Variants in KLF7 observed in about 807,000 individuals in gnomAD.
The protein encoded by KLF7 is KLF transcription factor 7, also known as Krueppel-like factor 7.
In KLF7, 2 loss-of-function variants were observed where a neutral mutation model predicts 27.3. The observed-to-expected ratio is 0.07, with a 90% CI of 0.03 to 0.23. KLF7 has a LOEUF of 0.23. Ranked by LOEUF, KLF7 falls within the 10% of genes least tolerant of loss-of-function variation. KLF7 has a pLI of 1.00. For synonymous variants in KLF7, 165 were observed against 162.4 expected, an observed-to-expected ratio of 1.02 and a Z score of -0.12; for missense variants, 221 against 394.1, an observed-to-expected ratio of 0.56 and a Z score of 3.72.
intron 1 of KLF7, among the ~76,000 whole-genome samples, chr2:207,157,219 T>TGA (rs1491268311): frequency 4.6e-5 from 4 of 87,286 alleles, no homozygotes; most frequent in South Asian, 8.2e-4. Flanking sequence ...AACAGAAAAG[T>TGA]AAAAAAAAAA....
rs558682137 is a variant in KLF7, at chr2:207,099,172, T to A, written c.734-10591A>T. ...CTAGTGAGTATAGCCAAGGAATTCA[T>A]TTTTCTTGCAAGGAGGGTGGTACTA... On this transcript the variant is annotated intron_variant, in intron 2 of 3. Transcript: ENST00000309446. Among the ~76,000 whole-genome samples, 8 of 152,220 alleles carry A rather than the reference T, an allele frequency of 5.3e-5. No individual in the cohort carries two copies. In the East Asian group the frequency reaches 1.2e-3, roughly 22 times the overall value.
chr2:207,109,224 G>C (rs2076963178), intron 2 of KLF7, among the ~76,000 whole-genome samples: 2 of 152,180 alleles, frequency 1.3e-5, no homozygotes, highest in South Asian at 4.1e-4. Flanking sequence ...GGATTCTTAA[G>C]TTCAACCAAA....
intron 2 of KLF7, among the ~76,000 whole-genome samples, chr2:207,117,822 T>C (rs1459238887): frequency 6.6e-6 from 1 of 152,202 alleles, no homozygotes; most frequent in African/African-American, 2.4e-5. Context: ...GAGAAGCGAC[T>C]TGTTATCTCC....
At chr2:207,144,813 G>A (rs1176832977) in intron 1 of KLF7, among the ~76,000 whole-genome samples, 3 of 152,146 alleles carry the variant, frequency 2.0e-5, no homozygotes, top group African/African-American at 4.8e-5. Context: ...TTATGAAGTC[G>A]TGGTTGGCTT....
chr2:207,132,002 A>T (rs1202025842), intron 1 of KLF7, among the ~76,000 whole-genome samples: 2 of 152,234 alleles, frequency 1.3e-5, no homozygotes, highest in African/African-American at 4.8e-5. Context: ...CAGTGCAAGC[A>T]TCCACCTTGG....
intron 1 of KLF7, among the ~76,000 whole-genome samples, chr2:207,132,861 C>T (rs1040924310): frequency 2.0e-5 from 3 of 152,228 alleles, no homozygotes; most frequent in Non-Finnish European, 4.4e-5. Flanking sequence ...CTGTGATCCT[C>T]AAAATTCAAT....
At position 207,076,672 on chromosome 2, in the gene KLF7, C is replaced by G. The variant is rs2076181483; in HGVS notation, c.*4541G>C. ...TTCCATCTCAAGTATTCCCAAAGAT[C>G]CTCACTGAGGAAAGTAGGCCATCAA... is the stretch of plus-strand genomic sequence containing the variant. On this transcript the variant is annotated 3_prime_UTR_variant, in exon 4 of 4. Transcript: ENST00000309446. 1 of 152,142 alleles carries G rather than the reference C, an allele frequency of 6.6e-6. No homozygotes were observed. 9.4% of individuals were successfully genotyped at this position (152,142 alleles called of 1,614,324 possible). A position where few individuals can be genotyped will look rare whatever the true frequency, so the allele number is the denominator to read the frequency against.
rs1291297764 is a variant in KLF7, at chr2:207,078,541, A to G, written c.*2672T>C. On this transcript the variant is annotated 3_prime_UTR_variant, in exon 4 of 4. Transcript: ENST00000309446. Reference sequence around the variant, plus strand: ...AATTAAGTATTATAAACCCTTAATAATAGCATTCGAGAGGCAAGAGCAGCT... The same window carrying G: ...AATTAAGTATTATAAACCCTTAATAGTAGCATTCGAGAGGCAAGAGCAGCT... The G allele has an allele frequency of 6.6e-6, 1 of 152,248 alleles. No homozygotes were observed. Among genetic ancestry groups the G allele is most frequent in the Non-Finnish European group, 1.5e-5 (1 of 68,048 alleles). 9.4% of individuals were successfully genotyped at this position (152,248 alleles called of 1,614,324 possible). A position where few individuals can be genotyped will look rare whatever the true frequency, so the allele number is the denominator to read the frequency against.
chr2:207,142,958 A>G (rs2077984925), intron 1 of KLF7, among the ~76,000 whole-genome samples: 1 of 152,220 alleles, frequency 6.6e-6, no homozygotes, highest in Non-Finnish European at 1.5e-5. Context: ...ACTCAGGGAA[A>G]GATTAAAGAG....
Position 207,077,662 on chromosome 2 carries a change from G to A in KLF7, c.*3551C>T, listed in dbSNP as rs1383716841. 6.6e-6 allele frequency: 1 copy of A among 152,168 alleles called. No homozygotes were observed. The highest frequency in any genetic ancestry group is 1.5e-5 in the Non-Finnish European group (1 of 68,038). 9.4% of individuals were successfully genotyped at this position (152,168 alleles called of 1,614,324 possible). On this transcript the variant is annotated 3_prime_UTR_variant, in exon 4 of 4. Coordinates refer to ENST00000309446, the MANE Select transcript of KLF7 (RefSeq NM_003709.4). ...TGGACATAATACTCATTACCACCAG[G>A]CATTGAGCTGAGCCATTAACCATGG...
chr2:207,150,542 T>C (rs2078214123), intron 1 of KLF7, among the ~76,000 whole-genome samples: 1 of 152,232 alleles, frequency 6.6e-6, no homozygotes, highest in Non-Finnish European at 1.5e-5. Flanking sequence ...GTACAGCATG[T>C]AACAGTTTAC....
intron 2 of KLF7, among the ~76,000 whole-genome samples, chr2:207,098,339 T>C (rs1271882190): frequency 6.6e-6 from 1 of 152,214 alleles, no homozygotes; most frequent in East Asian, 1.9e-4. Flanking sequence ...AAAAATGTTA[T>C]TAAAACATTA....
chr2:207,107,717 C>T (rs926244946), intron 2 of KLF7, among the ~76,000 whole-genome samples: 10 of 152,170 alleles, frequency 6.6e-5, no homozygotes, highest in Non-Finnish European at 1.3e-4. Context: ...AAATGCCAGC[C>T]GGCTCTTCTT....
upstream of KLF7, among the ~76,000 whole-genome samples, chr2:207,171,746 ATGC>A (rs1265601905): frequency 6.6e-6 from 1 of 152,216 alleles, no homozygotes; most frequent in Non-Finnish European, 1.5e-5. Context: ...CTTAGACACA[ATGC>A]TATTGCACAC....
At chr2:207,167,191 C>A, upstream of KLF7, 1 of 1,389,674 alleles carries the variant, frequency 7.2e-7, no homozygotes, top group Non-Finnish European at 9.4e-7. Context: ...AGAGGAGGAA[C>A]TCGATTTCTC....
chr2:207,124,062 C>A lies in KLF7; in HGVS notation c.445G>T (p.Val149Phe), dbSNP rs772681371. 1 of 1,614,150 alleles carries A rather than the reference C, an allele frequency of 6.2e-7. No homozygotes were observed. The highest frequency in any genetic ancestry group is 8.5e-7 in the Non-Finnish European group (1 of 1,180,040). The change falls in exon 2 of 4, where the codon GTC becomes TTC. Residue 149 changes from valine to phenylalanine, a missense_variant. Coordinates refer to ENST00000309446, the MANE Select transcript of KLF7 (RefSeq NM_003709.4). ...GCAGAGAGAGTTTGTGAGGTTTTGA[C>A]CAGATGGCGGCTGAGCTCAGGGGAC... Reference protein sequence around the residue: ...PSSPELSRHLVKTSQTLSAVD... With the variant: ...PSSPELSRHLFKTSQTLSAVD...
chr2:207,149,701 T>C (rs1054362927), intron 1 of KLF7, among the ~76,000 whole-genome samples: 1 of 152,226 alleles, frequency 6.6e-6, no homozygotes, highest in East Asian at 1.9e-4. Flanking sequence ...AATCTCAACA[T>C]ATTCATTTGA....
At chr2:207,081,319 T>C (rs1159776751) in intron 3 of KLF7, 55 bp from the exon 4 acceptor site, 3 of 1,361,256 alleles carry the variant, frequency 2.2e-6, no homozygotes, top group African/African-American at 2.9e-5. Context: ...CAGCTTGACT[T>C]GCATCACTCC....
chr2:207,092,279 C>A (rs1023682647), intron 2 of KLF7, among the ~76,000 whole-genome samples: 1 of 152,228 alleles, frequency 6.6e-6, no homozygotes, highest in African/African-American at 2.4e-5. Flanking sequence ...AAACCCAGGA[C>A]TCCAGTCCAG....
Sources: allele counts gnomAD v4.1 joint callset (sites outside exome capture counted in the v4.1 genomes callset), GRCh38; gene constraint gnomAD v4.1.1; transcripts MANE v1.5; gene names NCBI Gene and HGNC (gene_info 2026-07-23, HGNC 2026-07-21).